The following PLD5 variants were observed in gnomAD, a reference collection of about 807,000 sequenced individuals.
The protein encoded by PLD5 is inactive phospholipase D5.
In PLD5, 36 loss-of-function variants were observed where a neutral mutation model predicts 61.1. The ratio of observed to expected loss-of-function variants is 0.59; its 90% confidence interval spans 0.45 to 0.78. The LOEUF is 0.78. Among genes scored for constraint, PLD5 ranks in the 30% least tolerant of loss-of-function variants. The probability of loss-of-function intolerance (pLI) is 0.00; values close to 1 mark genes in which losing one functional copy is unlikely to be tolerated. For synonymous variants in PLD5, 243 were observed against 242.8 expected (o/e 1.00, Z -0.01); for missense variants, 515 against 644.4 (o/e 0.80, Z 2.17).
chr1:242,128,695 G>T (rs906015650), intron 5 of PLD5, among the ~76,000 whole-genome samples: 3 of 152,098 alleles, frequency 2.0e-5, no homozygotes, highest in African/African-American at 4.8e-5. Context: ...TGCCAACTCT[G>T]ATAGCTCCTC....
chr1:242,413,101 G>A (rs1016339998), intron 1 of PLD5, among the ~76,000 whole-genome samples: 1 of 152,090 alleles, frequency 6.6e-6, no homozygotes, highest in Non-Finnish European at 1.5e-5. Context: ...GGCGCCTTCC[G>A]CTTACTCTGC....
rs1215924219 is a variant in PLD5 at position 242,393,274 on chromosome 1, GTA to G, written c.190-45034_190-45033del. Among the ~76,000 whole-genome samples, 12 of 57,476 alleles carry G rather than the reference GTA, an allele frequency of 2.1e-4. 3 individuals carry two copies. Among genetic ancestry groups the G allele is most frequent in the Non-Finnish European group, 3.7e-4 (12 of 32,340 alleles). 37.7% of individuals were successfully genotyped at this position (57,476 alleles called of 152,430 possible). ...AGTATATATATGTGTATATATATGA[GTA>G]TATATATGTGTATATATATGAGTAT... On this transcript the variant is annotated intron_variant, in intron 1 of 9. Transcript: ENST00000536534.
intron 1 of PLD5, among the ~76,000 whole-genome samples, chr1:242,403,990 A>G (rs543067928): frequency 6.6e-6 from 1 of 152,174 alleles, no homozygotes; most frequent in Non-Finnish European, 1.5e-5. Flanking sequence ...TTCGGAAAAA[A>G]TTCCAGAAGT....
chr1:242,291,707 G>A (rs1368344799), intron 2 of PLD5, among the ~76,000 whole-genome samples: 6 of 152,136 alleles, frequency 3.9e-5, no homozygotes, highest in Non-Finnish European at 7.3e-5. Context: ...TCGGGAGGCT[G>A]AGGCAGGAGA....
rs538791118 is a variant in PLD5, at chr1:242,475,250, C to T, written c.189+48838G>A. 9.6e-4 allele frequency among the ~76,000 whole-genome samples: 146 copies of T among 152,202 alleles called. 1 individual carries two copies. The highest frequency in any genetic ancestry group is 1.7e-3 in the Non-Finnish European group (118 of 67,998). On this transcript the variant is annotated intron_variant, in intron 1 of 9. Transcript: ENST00000536534. The stretch of plus-strand genomic sequence containing the variant: ...AGAGCAAGAAAACAAGGTGAAACCC[C>T]GTCTCTACTAAAAATACAAAAAATT...
chr1:242,319,428 T>C lies in PLD5; in HGVS notation c.326+28678A>G, dbSNP rs1261218812. On this transcript the variant is annotated intron_variant, in intron 2 of 9. Transcript: ENST00000536534. ...ATGTGTGCATACAAATGATTGTGTG[T>C]GTATATACTATGAAAGGAAAATAAA... Among the ~76,000 whole-genome samples the C allele has an allele frequency of 2.0e-5, 3 of 151,444 alleles. No homozygotes were observed. The South Asian group carries it at 6.3e-4, about 32-fold the overall frequency.
rs533301828 is a variant in PLD5 at position 242,176,118 on chromosome 1, G to A, written c.735+43870C>T. On this transcript the variant is annotated intron_variant, in intron 5 of 9. Transcript: ENST00000536534. ...TTCATATGGAACCAAAAAAGAGCCC[G>A]CATAGCCAAGACAATCCTAAATAAA... Among the ~76,000 whole-genome samples, 11 of 152,210 alleles carry A rather than the reference G, an allele frequency of 7.2e-5. No individual in the cohort carries two copies. The South Asian group carries it at 1.2e-3, about 17-fold the overall frequency.
At chr1:242,529,091 A>G (rs1298614394), upstream of PLD5, among the ~76,000 whole-genome samples, 1 of 152,208 alleles carries the variant, frequency 6.6e-6, no homozygotes, top group African/African-American at 2.4e-5. Context: ...TGACTTTCCT[A>G]ACCACATATG....
intron 1 of PLD5, among the ~76,000 whole-genome samples, chr1:242,348,986 G>A (rs534198663): frequency 4.6e-5 from 7 of 152,216 alleles, no homozygotes; most frequent in South Asian, 2.1e-4. Flanking sequence ...CCTGGGAGGC[G>A]GAGCTTGCAG....
intron 2 of PLD5, among the ~76,000 whole-genome samples, chr1:242,292,231 C>G (rs1424928355): frequency 6.6e-6 from 1 of 152,116 alleles, no homozygotes; most frequent in Non-Finnish European, 1.5e-5. Flanking sequence ...GCCTCCCCTA[C>G]AACCGATGGA....
In PLD5 at chr1:242,408,729, T is replaced by C. The variant is rs1194275509; in HGVS notation, c.190-60487A>G. On this transcript the variant is annotated intron_variant, in intron 1 of 9. Coordinates refer to ENST00000536534, the MANE Select transcript of PLD5 (RefSeq NM_001372062.1). The stretch of plus-strand genomic sequence containing the variant: ...TAGATTACCCAGTCTCAGGTATTCC[T>C]TTATAGCAATGCAAAAATGGCCTAA... Among the ~76,000 whole-genome samples, 3 of 152,160 alleles carry C rather than the reference T, an allele frequency of 2.0e-5. No homozygotes were observed. The East Asian group carries it at 5.8e-4, about 29-fold the overall frequency.
intron 1 of PLD5, among the ~76,000 whole-genome samples, chr1:242,419,275 T>C (rs528238330): frequency 1.3e-5 from 2 of 152,114 alleles, no homozygotes; most frequent in African/African-American, 4.8e-5. Flanking sequence ...CCTCAGTGGG[T>C]GGCAGAGGAC....
At chr1:242,329,084 C>T (rs1202711449) in intron 2 of PLD5, among the ~76,000 whole-genome samples, 3 of 152,072 alleles carry the variant, frequency 2.0e-5, no homozygotes, top group East Asian at 1.9e-4. Context: ...TCTTGGCTCA[C>T]TGCAACCTCT....
chr1:242,431,187 C>T (rs1665696988), intron 1 of PLD5, among the ~76,000 whole-genome samples: 1 of 152,160 alleles, frequency 6.6e-6, no homozygotes, highest in Non-Finnish European at 1.5e-5. Flanking sequence ...TTTTGTCATG[C>T]AAAACTGGAA....
intron 1 of PLD5, among the ~76,000 whole-genome samples, chr1:242,456,615 G>T (rs1666952502): frequency 6.6e-6 from 1 of 152,190 alleles, no homozygotes; most frequent in Non-Finnish European, 1.5e-5. Context: ...ATTATAAAAG[G>T]TATCATTTGT....
At chr1:242,396,142 A>G (rs1444593400) in intron 1 of PLD5, among the ~76,000 whole-genome samples, 1 of 152,192 alleles carries the variant, frequency 6.6e-6, no homozygotes, top group Non-Finnish European at 1.5e-5. Context: ...GAAATAGCAG[A>G]GAGTGAGTTG....
Position 242,396,674 on chromosome 1 carries a change from T to A in PLD5, c.190-48432A>T, listed in dbSNP as rs560219132. Among the ~76,000 whole-genome samples the A allele has an allele frequency of 4.3e-3, 523 of 122,114 alleles. 6 individuals are homozygous for A. Among genetic ancestry groups the A allele is most frequent in the African/African-American group, 0.016 (492 of 30,892 alleles). The allele number at this position is 122,114 out of a possible 152,430, so 80.1% of individuals were successfully genotyped here. A position where few individuals can be genotyped will look rare whatever the true frequency, so the allele number is the denominator to read the frequency against. On this transcript the variant is annotated intron_variant, in intron 1 of 9. Coordinates refer to ENST00000536534, the MANE Select transcript of PLD5 (RefSeq NM_001372062.1). ...TATTTTCTTTCTTTCTTTTCTTTTC[T>A]TTTTTTTTTTTTTTTTTGAGACGGA...
chr1:242,239,074 A>G (rs1340219050), intron 4 of PLD5, among the ~76,000 whole-genome samples: 1 of 152,190 alleles, frequency 6.6e-6, no homozygotes, highest in Non-Finnish European at 1.5e-5. Flanking sequence ...ATTTTGAGGA[A>G]CAACAATCTC....
At chr1:242,366,846 A>T (rs191724088) in intron 1 of PLD5, among the ~76,000 whole-genome samples, 1 of 152,306 alleles carries the variant, frequency 6.6e-6, no homozygotes, top group African/African-American at 2.4e-5. Flanking sequence ...AATTAAAAAA[A>T]AGCAAAGGCT....
Sources: allele counts gnomAD v4.1 joint callset (sites outside exome capture counted in the v4.1 genomes callset), GRCh38; gene constraint gnomAD v4.1.1; transcripts MANE v1.5; gene names NCBI Gene and HGNC (gene_info 2026-07-23, HGNC 2026-07-21).